The following DRC1 variants were observed in gnomAD, a reference collection of about 807,000 sequenced individuals.
The protein encoded by DRC1 is dynein regulatory complex protein 1.
A neutral mutation model predicts 98.7 loss-of-function variants in DRC1; 74 were observed. The observed-to-expected ratio is 0.75, with a 90% CI of 0.62 to 0.91. The LOEUF is 0.91. Among genes scored for constraint, DRC1 ranks in the 40% least tolerant of loss-of-function variants. The probability of loss-of-function intolerance (pLI) is 0.00; values close to 1 mark genes in which losing one functional copy is unlikely to be tolerated. For missense variants in DRC1, 875 were observed against 886.0 expected, an observed-to-expected ratio of 0.99 and a Z score of 0.16; for synonymous variants, 336 against 334.1, an observed-to-expected ratio of 1.01 and a Z score of -0.06.
intron 1 of DRC1, among the ~76,000 whole-genome samples, chr2:26,409,000 A>G (rs1678511426): frequency 6.6e-6 from 1 of 152,054 alleles, no homozygotes; most frequent in East Asian, 1.9e-4. Flanking sequence ...TGGTTTGATC[A>G]TAGCTTAGTA....
At chr2:26,411,811 T>G (rs1558434472) in intron 1 of DRC1, among the ~76,000 whole-genome samples, 2 of 151,760 alleles carry the variant, frequency 1.3e-5, no homozygotes, top group Non-Finnish European at 2.9e-5. Flanking sequence ...AAAAAAAAAT[T>G]ATAGCATATC....
At chr2:26,435,781 C>G (rs991598798) in intron 7 of DRC1, among the ~76,000 whole-genome samples, 1 of 151,572 alleles carries the variant, frequency 6.6e-6, no homozygotes, top group Admixed American at 6.6e-5. Context: ...TATGTCAAAC[C>G]GTATGATGTT....
Position 26,450,010 on chromosome 2 carries a change from G to A in DRC1, c.1524G>A (p.Glu508=), listed in dbSNP as rs753664425. The A allele has an allele frequency of 1.2e-6, 2 of 1,613,844 alleles. No individual in the cohort carries two copies. The highest frequency in any genetic ancestry group is 1.7e-6 in the Non-Finnish European group (2 of 1,179,948). ...CTTCTCCCCAGGGGTTCCTCATAGA[G>A]AGCAAGCTGCTGAGCCTTCTCCTGC... The part of the protein sequence containing the change: ...LLCDESGFLI[E]SKLLSLLLPL... The change falls in exon 12 of 17, where the codon GAG becomes GAA. Residue 508 remains glutamate, a synonymous_variant. Coordinates refer to ENST00000288710, the MANE Select transcript of DRC1 (RefSeq NM_145038.5).
At chr2:26,434,927 T>G (rs1572372357) in intron 7 of DRC1, among the ~76,000 whole-genome samples, 1 of 148,124 alleles carries the variant, frequency 6.8e-6, no homozygotes. Flanking sequence ...ACACAAATAG[T>G]GTCAAAGAGA....
In DRC1 at chr2:26,424,384, T is replaced by G. The variant is rs542270831; in HGVS notation, c.470T>G (p.Leu157Arg). 26 of 1,613,716 alleles carry G rather than the reference T, an allele frequency of 1.6e-5. No individual in the cohort carries two copies. In the East Asian group the frequency reaches 5.4e-4, roughly 33 times the overall value. Residue 157 changes from leucine (L) to arginine (R), a missense_variant, in exon 4 of 17, where the codon CTC (leucine) becomes CGC (arginine). Leu to Arg is a moderately radical substitution (Grantham distance 102). Coordinates refer to ENST00000288710, the MANE Select transcript of DRC1 (RefSeq NM_145038.5). ...ATTCCCCAAGAGCTGTGGGAAATGCTCAATACCCAACAGCTGCACTGTGCT... is the reference window on the plus strand; with the variant it reads ...ATTCCCCAAGAGCTGTGGGAAATGCGCAATACCCAACAGCTGCACTGTGCT... ...KRIPQELWEM[L>R]NTQQLHCAGL...
intron 13 of DRC1, among the ~76,000 whole-genome samples, chr2:26,451,326 G>T (rs944846065): frequency 2.0e-5 from 3 of 152,074 alleles, no homozygotes; most frequent in Non-Finnish European, 2.9e-5. Context: ...ACACTTTCCC[G>T]CAAGGCAAGG....
At chr2:26,440,838 C>A (rs1663698797) in intron 8 of DRC1, among the ~76,000 whole-genome samples, 1 of 152,158 alleles carries the variant, frequency 6.6e-6, no homozygotes, top group South Asian at 2.1e-4. Context: ...TAAATGATGG[C>A]AGTCTGTACA....
rs536222542 is a variant in DRC1 at position 26,438,363 on chromosome 2, C to A, written c.889-2015C>A. Reference sequence around the variant, plus strand: ...TACTTTCCAAATTTTCTACAATGAGCAAATATTGCTTTTGCACTCAGGAAA... The same window carrying A: ...TACTTTCCAAATTTTCTACAATGAGAAAATATTGCTTTTGCACTCAGGAAA... On this transcript the variant is annotated intron_variant, in intron 7 of 16. Transcript: ENST00000288710. Among the ~76,000 whole-genome samples the A allele has an allele frequency of 1.1e-4, 16 of 152,086 alleles. 1 individual carries two copies. The South Asian group carries it at 2.3e-3, about 22-fold the overall frequency.
intron 4 of DRC1, among the ~76,000 whole-genome samples, chr2:26,427,028 G>C (rs1034856199): frequency 6.6e-6 from 1 of 152,102 alleles, no homozygotes; most frequent in Non-Finnish European, 1.5e-5. Flanking sequence ...TGGTGCTATA[G>C]TAAATGGATT....
intron 1 of DRC1, among the ~76,000 whole-genome samples, chr2:26,403,797 A>G (rs925533659): frequency 6.9e-6 from 1 of 144,058 alleles, no homozygotes; most frequent in Non-Finnish European, 1.5e-5. Context: ...CTCCATCTCA[A>G]AAAAAAAAAA....
At chr2:26,433,915 A>G (rs1162722140) in intron 7 of DRC1, among the ~76,000 whole-genome samples, 2 of 152,054 alleles carry the variant, frequency 1.3e-5, no homozygotes, top group African/African-American at 2.4e-5. Flanking sequence ...CACTTTCCAC[A>G]CTGTAACAGA....
intron 13 of DRC1, among the ~76,000 whole-genome samples, chr2:26,453,092 C>T (rs1664049435): frequency 6.6e-6 from 1 of 152,128 alleles, no homozygotes; most frequent in Non-Finnish European, 1.5e-5. Context: ...ACCTAGGAGC[C>T]CGGATTTAGA....
chr2:26,429,517 G>C (rs1663376857), intron 4 of DRC1, 111 bp from the exon 5 acceptor site: 1 of 1,427,118 alleles, frequency 7.0e-7, no homozygotes, highest in South Asian at 1.3e-5. Flanking sequence ...TCTTTGTACA[G>C]TTTCATGTCC....
At chr2:26,420,440 C>G (rs1011070976) in intron 2 of DRC1, among the ~76,000 whole-genome samples, 4 of 152,090 alleles carry the variant, frequency 2.6e-5, no homozygotes, top group African/African-American at 9.7e-5. Flanking sequence ...CCTCACCTCC[C>G]CAACTGAGGT....
At chr2:26,421,251 G>A in intron 2 of DRC1, 37 bp from the exon 3 acceptor site, 1 of 1,574,346 alleles carries the variant, frequency 6.4e-7, no homozygotes, top group Non-Finnish European at 8.7e-7. Context: ...TTTACAAAGT[G>A]TTCTAGCTTT....
At chr2:26,430,967 T>TC (rs1663421590) in intron 6 of DRC1, 95 bp downstream of exon 6, 1 of 1,154,744 alleles carries the variant, frequency 8.7e-7, no homozygotes, top group African/African-American at 1.6e-5. Context: ...TCTTTTTTTT[T>TC]TTTTTTTTTT....
Position 26,454,920 on chromosome 2 carries a change from G to A in DRC1, c.2063+130G>A. On this transcript the variant is annotated intron_variant, in intron 15 of 16. Coordinates refer to ENST00000288710, the MANE Select transcript of DRC1 (RefSeq NM_145038.5). The surrounding 1 kb of genome is among the most constrained non-coding windows in gnomAD (Gnocchi z 5.2). ...GGAAGAGCTGCCCTTGGCATCTCCTGTGTGGGTGGATCATGTGGGGCAGTT... is the reference window on the plus strand; with the variant it reads ...GGAAGAGCTGCCCTTGGCATCTCCTATGTGGGTGGATCATGTGGGGCAGTT... 5 of 1,486,880 alleles carry A rather than the reference G, an allele frequency of 3.4e-6. No individual in the cohort carries two copies. The South Asian group carries it at 3.7e-5, about 11-fold the overall frequency. 92.1% of individuals were successfully genotyped at this position (1,486,880 alleles called of 1,614,324 possible).
chr2:26,418,620 A>AATTTATAATATATATTAT (rs1558438092), intron 2 of DRC1, among the ~76,000 whole-genome samples: 3 of 89,438 alleles, frequency 3.4e-5, no homozygotes, highest in African/African-American at 1.2e-4. Context: ...AATTATATAT[A>AATTTATAATATATATTAT]ATATAAATTA....
rs140791405 is a variant in DRC1, at chr2:26,431,016, T to C, written c.765+144T>C. The C allele has an allele frequency of 8.1e-4, 576 of 713,368 alleles. 3 individuals carry two copies. In the African/African-American group the frequency reaches 9.7e-3, roughly 12 times the overall value. The allele number at this position is 713,368 out of a possible 1,614,324, so 44.2% of individuals were successfully genotyped here. A position where few individuals can be genotyped will look rare whatever the true frequency, so the allele number is the denominator to read the frequency against. Reference sequence around the variant, plus strand: ...TGCTTCTGTCACCAGGTTGGAATGCTGTGGAGCAATCTCGGCTCACTGCAA... The same window carrying C: ...TGCTTCTGTCACCAGGTTGGAATGCCGTGGAGCAATCTCGGCTCACTGCAA... On this transcript the variant is annotated intron_variant, in intron 6 of 16. Coordinates refer to ENST00000288710, the MANE Select transcript of DRC1 (RefSeq NM_145038.5).
Sources: allele counts gnomAD v4.1 joint callset (sites outside exome capture counted in the v4.1 genomes callset), GRCh38; gene constraint gnomAD v4.1.1; non-coding constraint Gnocchi (gnomAD v3.1); transcripts MANE v1.5; gene names NCBI Gene and HGNC (gene_info 2026-07-23, HGNC 2026-07-21).